The following TMEM253 variants were observed in gnomAD, a reference collection of about 807,000 sequenced individuals.
The protein encoded by TMEM253 is transmembrane protein 253, also known as transmembrane protein C14orf176.
A neutral mutation model predicts 20.3 loss-of-function variants in TMEM253; 22 were observed. That is an observed-to-expected ratio of 1.08 (90% CI 0.78 to 1.55). TMEM253 has a LOEUF of 1.55. TMEM253 is among the 40% of genes most tolerant of loss of function. The probability of loss-of-function intolerance (pLI) is 0.00; values close to 1 mark genes in which losing one functional copy is unlikely to be tolerated. For synonymous variants in TMEM253, 92 were observed against 102.6 expected (o/e 0.90, Z 0.62); for missense variants, 251 against 266.1 (o/e 0.94, Z 0.39).
At chr14:21,102,220 C>G (rs1889686537) in intron 4 of TMEM253, 100 bp downstream of exon 4, 1 of 1,443,182 alleles carries the variant, frequency 6.9e-7, no homozygotes, top group Non-Finnish European at 9.3e-7. Context: ...GACTCATTCT[C>G]TCAGCTGTCA....
rs1240804658 is a variant in TMEM253 at position 21,101,389 on chromosome 14, C to T, written c.46C>T (p.Arg16Cys). ...GCAAGAGCAGGAGAGACACAGCCTTCGTCTGGAAAAGCTACAACACTGGGC... is the reference window on the plus strand; with the variant it reads ...GCAAGAGCAGGAGAGACACAGCCTTTGTCTGGAAAAGCTACAACACTGGGC... The change falls in exon 2 of 7, where the codon CGT becomes TGT. Residue 16 changes from arginine to cysteine, a missense_variant. Physicochemically the swap from Arg to Cys is radical, Grantham distance 180. Coordinates refer to ENST00000556585, the Ensembl canonical transcript of TMEM253. The T allele has an allele frequency of 1.3e-6, 2 of 1,551,660 alleles. No individual in the cohort carries two copies. Among genetic ancestry groups the T allele is most frequent in the Non-Finnish European group, 1.7e-6 (2 of 1,146,964 alleles).
chr14:21,101,860 C>G lies in TMEM253; in HGVS notation c.109-5C>G. On this transcript the variant is annotated splice_region_variant and splice_polypyrimidine_tract_variant and intron_variant, in intron 2 of 6. Transcript: ENST00000556585. ...CCTCCCCAATTACCCTACCCTTACC[C>G]CCAGGTGAGCCAGCTATGGCTGGCA... The G allele has an allele frequency of 6.4e-7, 1 of 1,551,142 alleles. No individual in the cohort carries two copies. The highest frequency in any genetic ancestry group is 8.7e-7 in the Non-Finnish European group (1 of 1,146,702).
At chr14:21,102,379 G>T in intron 4 of TMEM253, 26 bp from the exon 5 acceptor site, 1 of 1,551,060 alleles carries the variant, frequency 6.4e-7, no homozygotes, top group South Asian at 1.2e-5. Flanking sequence ...CCTAGGCTGG[G>T]CAGGGCTGAG....
At chr14:21,102,481 C>T (rs1167863884) in exon 5 of TMEM253, 60 of 1,551,624 alleles carry the variant, frequency 3.9e-5, no homozygotes, top group Non-Finnish European at 4.7e-5. Context: ...GTGATGAAGA[C>T]AGCCTTGGGG....
Position 21,102,125 on chromosome 14 carries a change from G to C in TMEM253, c.276+5G>C. 1 of 1,550,562 alleles carries C rather than the reference G, an allele frequency of 6.4e-7. No individual in the cohort carries two copies. Among genetic ancestry groups the C allele is most frequent in the Non-Finnish European group, 8.7e-7 (1 of 1,146,378 alleles). On this transcript the variant is annotated splice_donor_5th_base_variant and intron_variant, in intron 4 of 6. Transcript: ENST00000556585. ...AGAGCACCCCGCCTTTGGAAGGTGA[G>C]AGGGAAGAAAACGCAGCACTGTCCT... is the stretch of plus-strand genomic sequence containing the variant.
At chr14:21,102,736 G>A (rs1416874473) in exon 6 of TMEM253, 1 of 1,551,286 alleles carries the variant, frequency 6.4e-7, no homozygotes, top group East Asian at 2.4e-5. Context: ...AGGAAACCAG[G>A]ATGCTGCAGG....
chr14:21,103,107 A>G (rs1234060827), intron 6 of TMEM253, 32 bp from the exon 7 acceptor site: 2 of 1,551,636 alleles, frequency 1.3e-6, no homozygotes, highest in East Asian at 4.9e-5. Flanking sequence ...TCTCACCTCT[A>G]CAATTTGCTC....
At chr14:21,099,917 A>G (rs567098474), upstream of TMEM253, among the ~76,000 whole-genome samples, 1 of 152,246 alleles carries the variant, frequency 6.6e-6, no homozygotes, top group East Asian at 1.9e-4. Context: ...TCTGAATAAC[A>G]CTTTTAGTGT....
At chr14:21,099,650 A>T (rs545314340), upstream of TMEM253, among the ~76,000 whole-genome samples, 46 of 152,358 alleles carry the variant, frequency 3.0e-4, no homozygotes, top group Non-Finnish European at 5.1e-4. Context: ...CAACAACAAG[A>T]AATAATAATA....
At chr14:21,103,022 A>G (rs1889744419) in intron 6 of TMEM253, 117 bp from the exon 7 acceptor site, 1 of 1,502,440 alleles carries the variant, frequency 6.7e-7, no homozygotes, top group Admixed American at 2.0e-5. Flanking sequence ...CTGCCTAAAT[A>G]TTGGCAGGAC....
intron 6 of TMEM253, 173 bp from the exon 7 acceptor site, chr14:21,102,966 G>A: frequency 7.4e-7 from 1 of 1,353,820 alleles, no homozygotes; most frequent in South Asian, 1.4e-5. Flanking sequence ...GAGGAAACTG[G>A]GAATCCAAAT....
intron 5 of TMEM253, 47 bp downstream of exon 5, chr14:21,102,562 A>C: frequency 6.4e-7 from 1 of 1,551,412 alleles, no homozygotes; most frequent in Non-Finnish European, 8.7e-7. Flanking sequence ...AGGCAAGAGG[A>C]GGTGGGAAGG....
At chr14:21,102,446 G>C in exon 5 of TMEM253, 1 of 1,551,652 alleles carries the variant, frequency 6.4e-7, no homozygotes, top group Non-Finnish European at 8.7e-7. Context: ...ACTTGATCTT[G>C]GGTTTCATAG....
At chr14:21,102,809 G>T in intron 6 of TMEM253, 30 bp downstream of exon 6, 2 of 1,541,782 alleles carry the variant, frequency 1.3e-6, no homozygotes, top group Non-Finnish European at 1.7e-6. Flanking sequence ...AGCACGAATA[G>T]CTAGCTGCCA....
intron 5 of TMEM253, 22 bp downstream of exon 5, chr14:21,102,537 G>C (rs1211785010): frequency 6.4e-7 from 1 of 1,551,786 alleles, no homozygotes. Context: ...TGAAGGAGAA[G>C]GTGGGAGGAT....
upstream of TMEM253, chr14:21,098,841 T>C (rs1170483162): frequency 5.4e-6 from 7 of 1,288,048 alleles, no homozygotes; most frequent in East Asian, 2.2e-4. Context: ...CCGCTCTTTC[T>C]GCCCCAACAT....
At chr14:21,101,239 G>A (rs975516610) in intron 1 of TMEM253, 55 bp downstream of exon 1, 1 of 1,034,180 alleles carries the variant, frequency 9.7e-7, no homozygotes, top group Non-Finnish European at 1.4e-6. Flanking sequence ...GGGCAGAGGT[G>A]TAGCTGAAAG....
At chr14:21,100,610 G>A (rs1268462519), upstream of TMEM253, among the ~76,000 whole-genome samples, 3 of 152,008 alleles carry the variant, frequency 2.0e-5, no homozygotes, top group Non-Finnish European at 4.4e-5. Context: ...CCATAAACAG[G>A]GTCCCCCCCA....
upstream of TMEM253, among the ~76,000 whole-genome samples, chr14:21,099,638 G>C (rs999152409): frequency 6.6e-6 from 1 of 152,136 alleles, no homozygotes; most frequent in Non-Finnish European, 1.5e-5. Flanking sequence ...TCCTCTTATC[G>C]TCAACAACAA....
Sources: gnomAD v4.1 joint callset for allele counts (sites outside exome capture counted in the v4.1 genomes callset) on GRCh38, gnomAD v4.1.1 for gene constraint, MANE v1.5 for transcripts, NCBI Gene and HGNC (gene_info 2026-07-23, HGNC 2026-07-21) for gene names.